The following HMG20A variants were observed in gnomAD, a reference collection of about 807,000 sequenced individuals.
HMG20A encodes high mobility group 20A.
Under a neutral mutation model 43.9 loss-of-function variants are expected in HMG20A, and 17 were observed. The observed-to-expected ratio is 0.39, with a 90% confidence interval of 0.27 to 0.58. HMG20A has a LOEUF of 0.58. Among genes scored for constraint, HMG20A ranks in the 20% least tolerant of loss-of-function variants. The pLI, the probability that HMG20A is intolerant of heterozygous loss-of-function variation, is 0.59. For synonymous variants in HMG20A, 132 were observed against 147.5 expected (o/e 0.89, Z 0.76); for missense variants, 341 against 438.2 (o/e 0.78, Z 1.98).
At chr15:77,516,622 A>G in the HMG20A span, among the ~76,000 whole-genome samples, 26 of 152,180 alleles carry the variant, frequency 1.7e-4, no homozygotes, top group African/African-American at 6.3e-4. Context: ...GCTCAACATG[A>G]CCATCCCCCT....
the HMG20A span, among the ~76,000 whole-genome samples, chr15:77,514,686 T>G: frequency 1.3e-5 from 2 of 152,080 alleles, no homozygotes; most frequent in African/African-American, 4.8e-5. Flanking sequence ...ATTTGGATTT[T>G]GGGGGAAAAT....
intron 1 of HMG20A, among the ~76,000 whole-genome samples, chr15:77,426,920 T>C (rs2073433400): frequency 6.6e-6 from 1 of 152,138 alleles, no homozygotes; most frequent in Non-Finnish European, 1.5e-5. Context: ...GTTTTTGTCT[T>C]AATGTAGCAG....
intron 6 of HMG20A, among the ~76,000 whole-genome samples, chr15:77,472,460 G>A (rs1274812801): frequency 6.6e-6 from 1 of 152,124 alleles, no homozygotes; most frequent in Admixed American, 6.5e-5. Flanking sequence ...ATTTTTAGTA[G>A]AGACAGGGTT....
intron 1 of HMG20A, among the ~76,000 whole-genome samples, chr15:77,431,431 C>G (rs771838259): frequency 2.0e-5 from 3 of 152,044 alleles, no homozygotes; most frequent in Non-Finnish European, 2.9e-5. Flanking sequence ...AGGCTGGTCT[C>G]GAAGTCCTGA....
chr15:77,476,027 T>C (rs929619338), intron 6 of HMG20A, among the ~76,000 whole-genome samples: 6 of 152,210 alleles, frequency 3.9e-5, no homozygotes, highest in African/African-American at 1.2e-4. Context: ...AGTGTCTTTC[T>C]TGCTCAGCTG....
At chr15:77,475,078 G>A (rs752468770) in intron 6 of HMG20A, among the ~76,000 whole-genome samples, 1 of 152,142 alleles carries the variant, frequency 6.6e-6, no homozygotes, top group African/African-American at 2.4e-5. Flanking sequence ...TATGAGAAAT[G>A]ACAGAATGAC....
chr15:77,431,837 T>C (rs546665328), intron 1 of HMG20A, among the ~76,000 whole-genome samples: 5 of 143,428 alleles, frequency 3.5e-5, no homozygotes, highest in Non-Finnish European at 6.1e-5. Flanking sequence ...TACTCTATAC[T>C]TCCATGAGTT....
the HMG20A span, among the ~76,000 whole-genome samples, chr15:77,507,691 T>G: frequency 6.6e-6 from 1 of 152,202 alleles, no homozygotes; most frequent in Non-Finnish European, 1.5e-5. Context: ...GCAGTTTTAC[T>G]TCCTTGCCCT....
intron 2 of HMG20A, among the ~76,000 whole-genome samples, chr15:77,463,231 C>T (rs956102667): frequency 2.0e-5 from 3 of 152,098 alleles, no homozygotes; most frequent in Non-Finnish European, 2.9e-5. Flanking sequence ...TTGATGAATA[C>T]GTACTCATCT....
At chr15:77,452,092 C>G (rs1208452361) in intron 1 of HMG20A, among the ~76,000 whole-genome samples, 1 of 152,170 alleles carries the variant, frequency 6.6e-6, no homozygotes, top group Non-Finnish European at 1.5e-5. Flanking sequence ...TGCAAAAGTG[C>G]CTTGCTTGAG....
chr15:77,517,837 C>A, the HMG20A span, among the ~76,000 whole-genome samples: 1 of 151,998 alleles, frequency 6.6e-6, no homozygotes, highest in Non-Finnish European at 1.5e-5. Context: ...CAGCAGAAAA[C>A]GCTCAGGTTC....
chr15:77,463,261 A>G (rs866496175), intron 2 of HMG20A, among the ~76,000 whole-genome samples: 20 of 152,068 alleles, frequency 1.3e-4, no homozygotes, highest in African/African-American at 3.9e-4. Context: ...TCCTCTATAA[A>G]TTCTTTCTTA....
chr15:77,516,873 G>T, the HMG20A span, among the ~76,000 whole-genome samples: 8 of 152,306 alleles, frequency 5.3e-5, no homozygotes, highest in African/African-American at 1.9e-4. Flanking sequence ...ACTAAATAAG[G>T]GGACTAAGGC....
chr15:77,480,383 G>A (rs2072895472), intron 9 of HMG20A, among the ~76,000 whole-genome samples: 1 of 151,938 alleles, frequency 6.6e-6, no homozygotes, highest in African/African-American at 2.4e-5. Flanking sequence ...GGAGGTTGAG[G>A]CAGTATTGCC....
At chr15:77,424,119 G>A (rs976451625) in intron 1 of HMG20A, among the ~76,000 whole-genome samples, 2 of 152,106 alleles carry the variant, frequency 1.3e-5, no homozygotes, top group African/African-American at 4.8e-5. Context: ...TCTATGTTAT[G>A]ATCGTTGTTC....
chr15:77,467,149 C>A lies in HMG20A; in HGVS notation c.292C>A (p.Arg98=), dbSNP rs1436401285. 1.2e-6 allele frequency: 2 copies of A among 1,613,940 alleles called. No homozygotes were observed. The highest frequency in any genetic ancestry group is 2.7e-5 in the African/African-American group (2 of 74,906). Residue 98 remains arginine, a synonymous_variant, in exon 4 of 10, where the codon CGA becomes AGA. Coordinates refer to ENST00000336216, the MANE Select transcript of HMG20A (RefSeq NM_001304504.2). ...SKGRKRKKPL[R]DSNAPKSPLT... is the part of the protein sequence containing the mutation. ...AGGAAGAAAGAGGAAGAAACCTCTTCGAGACAGCAATGCACCCAAATCCCC... is the reference window on the plus strand; with the variant it reads ...AGGAAGAAAGAGGAAGAAACCTCTTAGAGACAGCAATGCACCCAAATCCCC...
At chr15:77,459,240 C>A (rs2072683881) in intron 2 of HMG20A, among the ~76,000 whole-genome samples, 1 of 152,192 alleles carries the variant, frequency 6.6e-6, no homozygotes, top group Non-Finnish European at 1.5e-5. Context: ...CCGCCTTTGA[C>A]CTCACTACTC....
At chr15:77,507,185 T>C in the HMG20A span, among the ~76,000 whole-genome samples, 1 of 152,232 alleles carries the variant, frequency 6.6e-6, no homozygotes, top group Non-Finnish European at 1.5e-5. Context: ...TTTCTGGGTG[T>C]GGACTCCTCA....
At chr15:77,471,118 G>A (rs2072804344) in intron 5 of HMG20A, 76 bp downstream of exon 5, 2 of 1,412,632 alleles carry the variant, frequency 1.4e-6, no homozygotes, top group Non-Finnish European at 1.9e-6. Context: ...TGTTAAGAGT[G>A]GTAACTATAA....
Sources: allele counts gnomAD v4.1 joint callset (sites outside exome capture counted in the v4.1 genomes callset), GRCh38; gene constraint gnomAD v4.1.1; transcripts MANE v1.5; gene names NCBI Gene and HGNC (gene_info 2026-07-23, HGNC 2026-07-21).